Variants in CDK19 observed in about 807,000 individuals in gnomAD.
CDK19 encodes cyclin dependent kinase 19, also known as cyclin-dependent kinase 19.
A neutral mutation model predicts 68.3 loss-of-function variants in CDK19; 20 were observed. The ratio of observed to expected loss-of-function variants is 0.29; its 90% CI spans 0.21 to 0.43. The LOEUF (loss-of-function observed/expected upper bound fraction) is 0.43. CDK19 is among the 20% of genes least tolerant of loss of function. The probability of loss-of-function intolerance (pLI) is 1.00; values close to 1 mark genes in which losing one functional copy is unlikely to be tolerated. For missense variants in CDK19, 339 were observed against 623.5 expected (o/e 0.54, Z 4.86); for synonymous variants, 221 against 222.8 (o/e 0.99, Z 0.07).
chr6:110,764,906 G>C (rs953853594), intron 1 of CDK19, among the ~76,000 whole-genome samples: 1 of 150,968 alleles, frequency 6.6e-6, no homozygotes, highest in Non-Finnish European at 1.5e-5. Flanking sequence ...AGCCAAGATC[G>C]TGCCACTGTA....
intron 2 of CDK19, among the ~76,000 whole-genome samples, chr6:110,682,269 G>T (rs1400172301): frequency 6.6e-6 from 1 of 152,092 alleles, no homozygotes; most frequent in Admixed American, 6.5e-5. Context: ...CAGTATCACC[G>T]ACTTTATTTT....
intron 1 of CDK19, among the ~76,000 whole-genome samples, chr6:110,750,684 C>T (rs1177338299): frequency 6.6e-6 from 1 of 152,102 alleles, no homozygotes; most frequent in African/African-American, 2.4e-5. Context: ...ATTTACTAAG[C>T]GTCTACTATA....
Position 110,679,242 on chromosome 6 carries a change from C to T in CDK19, c.205-8701G>A, listed in dbSNP as rs769978243. Among the ~76,000 whole-genome samples the T allele has an allele frequency of 2.6e-5, 4 of 151,684 alleles. No individual in the cohort carries two copies. In the South Asian group the frequency reaches 8.3e-4, roughly 31 times the overall value. Reference sequence around the variant, plus strand: ...GAGGTACGAGGACTGCTTGAGCCCACGAGTTCAAGGCTGCAGTGAGTTATG... The same window carrying T: ...GAGGTACGAGGACTGCTTGAGCCCATGAGTTCAAGGCTGCAGTGAGTTATG... On this transcript the variant is annotated intron_variant, in intron 2 of 12. Transcript: ENST00000368911.
At chr6:110,721,643 ACTT>A (rs1487703777) in intron 2 of CDK19, among the ~76,000 whole-genome samples, 1 of 152,122 alleles carries the variant, frequency 6.6e-6, no homozygotes, top group East Asian at 1.9e-4. Context: ...GAAAAACATG[ACTT>A]GTGTTTCCTT....
intron 4 of CDK19, among the ~76,000 whole-genome samples, chr6:110,648,876 C>T (rs1342233866): frequency 6.6e-6 from 1 of 152,030 alleles, no homozygotes; most frequent in African/African-American, 2.4e-5. Flanking sequence ...CGCCGCCATA[C>T]CCGGCTCATT....
chr6:110,659,059 G>A (rs1217210347), intron 4 of CDK19, among the ~76,000 whole-genome samples: 2 of 152,176 alleles, frequency 1.3e-5, no homozygotes, highest in Non-Finnish European at 2.9e-5. Flanking sequence ...GGTTCTCAAA[G>A]TTTCTATATC....
chr6:110,788,162 GTTGT>G (rs1461310544), intron 1 of CDK19, among the ~76,000 whole-genome samples: 6 of 148,498 alleles, frequency 4.0e-5, no homozygotes, highest in South Asian at 4.3e-4. Context: ...TTTTGTTGTT[GTTGT>G]TTGTTTGTTT....
intron 2 of CDK19, among the ~76,000 whole-genome samples, chr6:110,715,931 T>C (rs1775352901): frequency 6.6e-6 from 1 of 152,168 alleles, no homozygotes; most frequent in Non-Finnish European, 1.5e-5. Flanking sequence ...CCTAAAATAG[T>C]ATGGCACTAC....
intron 2 of CDK19, among the ~76,000 whole-genome samples, chr6:110,711,496 A>C (rs1053629120): frequency 6.6e-6 from 1 of 152,272 alleles, no homozygotes. Flanking sequence ...TTACGTATCA[A>C]TTAAAACCAG....
intron 2 of CDK19, among the ~76,000 whole-genome samples, chr6:110,734,386 C>T (rs1777017878): frequency 6.6e-6 from 1 of 152,004 alleles, no homozygotes; most frequent in Non-Finnish European, 1.5e-5. Context: ...GTTAAATAAG[C>T]CCCAAAATTT....
intron 2 of CDK19, among the ~76,000 whole-genome samples, chr6:110,710,265 T>C (rs892010497): frequency 1.3e-5 from 2 of 152,240 alleles, no homozygotes; most frequent in Non-Finnish European, 2.9e-5. Flanking sequence ...TCAAGACTCA[T>C]GTGAGAGAAG....
Position 110,815,319 on chromosome 6 carries a change from AGCCACCTCC to A in CDK19, c.-192_-184del. ...CAAGGGACTCCTCGGCGGCCACAGC[AGCCACCTCC>A]TCCACCTCTTCCTCCTCCTCCTCCG... On this transcript the variant is annotated 5_prime_UTR_variant, in exon 1 of 13. The change creates a new upstream start codon in the 5' untranslated region. Coordinates refer to ENST00000368911, the MANE Select transcript of CDK19 (RefSeq NM_015076.5). 1.8e-6 allele frequency: 1 copy of A among 546,028 alleles called. No individual in the cohort carries two copies. 33.8% of individuals were successfully genotyped at this position (546,028 alleles called of 1,614,324 possible). A position where few individuals can be genotyped will look rare whatever the true frequency, so the allele number is the denominator to read the frequency against.
At chr6:110,637,442 A>G (rs948648700) in intron 5 of CDK19, among the ~76,000 whole-genome samples, 16 of 152,216 alleles carry the variant, frequency 1.1e-4, no homozygotes, top group African/African-American at 3.9e-4. Flanking sequence ...TTTAAAGAAA[A>G]GGAAGTTGGT....
intron 2 of CDK19, among the ~76,000 whole-genome samples, chr6:110,707,331 G>A (rs1774595560): frequency 6.6e-6 from 1 of 151,908 alleles, no homozygotes; most frequent in African/African-American, 2.4e-5. Flanking sequence ...GGGAGCCTCT[G>A]TCTCAAAAAC....
At chr6:110,772,849 C>T (rs1780116743) in intron 1 of CDK19, among the ~76,000 whole-genome samples, 1 of 147,392 alleles carries the variant, frequency 6.8e-6, no homozygotes, top group Non-Finnish European at 1.5e-5. Context: ...GTTGTGATGG[C>T]ACCACTGCAC....
chr6:110,632,258 G>T, intron 5 of CDK19, 97 bp from the exon 6 acceptor site: 2 of 909,144 alleles, frequency 2.2e-6, no homozygotes, highest in African/African-American at 1.7e-5. Context: ...CATGCTATTA[G>T]AACCATGCAA....
chr6:110,653,988 A>G (rs150334788), intron 4 of CDK19, among the ~76,000 whole-genome samples: 169 of 152,342 alleles, frequency 1.1e-3, no homozygotes, highest in African/African-American at 3.8e-3. Flanking sequence ...GACTCTTATC[A>G]GTACCAATAA....
intron 2 of CDK19, among the ~76,000 whole-genome samples, chr6:110,696,024 A>G (rs188071480): frequency 2.4e-4 from 37 of 152,284 alleles, no homozygotes; most frequent in Admixed American, 2.3e-3. Flanking sequence ...CTAATATCAA[A>G]ACCAAGAAAG....
intron 1 of CDK19, among the ~76,000 whole-genome samples, chr6:110,755,836 C>G (rs1417448912): frequency 2.0e-5 from 3 of 152,028 alleles, no homozygotes; most frequent in African/African-American, 4.8e-5. Flanking sequence ...CAGGGTAGAT[C>G]AGAAGATTTA....
Sources: allele counts gnomAD v4.1 joint callset (sites outside exome capture counted in the v4.1 genomes callset), GRCh38; gene constraint gnomAD v4.1.1; transcripts MANE v1.5; gene names NCBI Gene and HGNC (gene_info 2026-07-23, HGNC 2026-07-21).